ERC1: variants seen among roughly 807,000 people sequenced by gnomAD.
ERC1 encodes the protein ELKS/RAB6-interacting/CAST family member 1, also known as RAB6 interacting protein 2.
A neutral mutation model predicts 132.0 loss-of-function variants in ERC1; 56 were observed. That is an observed-to-expected ratio of 0.42 (90% CI 0.34 to 0.53). The LOEUF (loss-of-function observed/expected upper bound fraction) is 0.53, where lower values mean the gene tolerates loss of function less well. Among genes scored for constraint, ERC1 ranks in the 20% least tolerant of loss-of-function variants. The pLI is 0.03. For missense variants in ERC1, 1,202 were observed against 1,349.9 expected (o/e 0.89, Z 1.72); for synonymous variants, 478 against 476.1 (o/e 1.00, Z -0.05).
intron 15 of ERC1, among the ~76,000 whole-genome samples, chr12:1,337,305 C>T (rs1038417818): frequency 2.0e-5 from 3 of 149,894 alleles, no homozygotes; most frequent in Non-Finnish European, 4.4e-5. Context: ...TAGTAATGCT[C>T]TTCTTTTTCT....
At chr12:1,384,309 A>G (rs760602698) in intron 16 of ERC1, among the ~76,000 whole-genome samples, 5 of 152,240 alleles carry the variant, frequency 3.3e-5, no homozygotes, top group Non-Finnish European at 5.9e-5. Flanking sequence ...CCTTATAAAT[A>G]GTTGACTGGA....
intron 18 of ERC1, among the ~76,000 whole-genome samples, chr12:1,453,852 T>C (rs1157985036): frequency 6.6e-6 from 1 of 152,220 alleles, no homozygotes; most frequent in Non-Finnish European, 1.5e-5. Context: ...AGTATGATAT[T>C]GTGATATAAT....
intron 18 of ERC1, among the ~76,000 whole-genome samples, chr12:1,488,627 G>T (rs118024086): frequency 6.6e-6 from 1 of 152,248 alleles, no homozygotes; most frequent in Admixed American, 6.5e-5. Flanking sequence ...TGAACTGATC[G>T]GCAGAACTGA....
intron 18 of ERC1, among the ~76,000 whole-genome samples, chr12:1,462,202 G>T (rs114677199): frequency 5.9e-5 from 9 of 152,140 alleles, no homozygotes; most frequent in Non-Finnish European, 1.2e-4. Flanking sequence ...CCAAATGCTC[G>T]TGAAGATATG....
At chr12:1,208,030 C>T (rs1252544279) in intron 12 of ERC1, among the ~76,000 whole-genome samples, 1 of 152,148 alleles carries the variant, frequency 6.6e-6, no homozygotes, top group African/African-American at 2.4e-5. Flanking sequence ...CAGTTTGACA[C>T]TGTTAAAAAT....
intron 2 of ERC1, among the ~76,000 whole-genome samples, chr12:1,040,583 G>A (rs992367798): frequency 2.0e-5 from 3 of 152,004 alleles, no homozygotes; most frequent in Non-Finnish European, 4.4e-5. Flanking sequence ...TGGGTTTACA[G>A]GCGTGAGCCA....
chr12:1,158,477 C>T (rs939052436), intron 8 of ERC1, among the ~76,000 whole-genome samples: 3 of 151,894 alleles, frequency 2.0e-5, no homozygotes, highest in African/African-American at 4.8e-5. Context: ...GTTGCCCAGG[C>T]TGGAGTGCAG....
chr12:1,393,821 A>G (rs1183386036), intron 16 of ERC1, among the ~76,000 whole-genome samples: 1 of 150,774 alleles, frequency 6.6e-6, no homozygotes, highest in East Asian at 2.0e-4. Context: ...AGGTCAGGAG[A>G]TTGAGACCAC....
intron 15 of ERC1, among the ~76,000 whole-genome samples, chr12:1,342,939 ACT>A (rs1259709745): frequency 2.6e-5 from 4 of 152,278 alleles, no homozygotes; most frequent in South Asian, 4.1e-4. Context: ...AGACAGTAAC[ACT>A]CTCAAAATTT....
chr12:1,351,375 G>C (rs2084979242), intron 15 of ERC1, among the ~76,000 whole-genome samples: 1 of 152,200 alleles, frequency 6.6e-6, no homozygotes, highest in Non-Finnish European at 1.5e-5. Flanking sequence ...GTTGTGTACA[G>C]AACTGCCAAA....
In ERC1 at chr12:1,493,548, A is replaced by AAAAAAAAAT. The variant is rs56939346; in HGVS notation, c.*3319_*3320insAAAAAAATA. The AAAAAAAAAT allele has an allele frequency of 7.3e-5, 1 of 13,618 alleles. No individual in the cohort carries two copies. Among genetic ancestry groups the AAAAAAAAAT allele is most frequent in the South Asian group, 4.4e-3 (1 of 226 alleles). The allele number at this position is 13,618 out of a possible 1,614,324, so 0.8% of individuals were successfully genotyped here. On this transcript the variant is annotated 3_prime_UTR_variant, in exon 19 of 19. Transcript: ENST00000360905. ...ACTCCATTTAAAAAAAAAAAAAAAAAATATATATATATATATATATATATA... is the reference window on the plus strand; with the variant it reads ...ACTCCATTTAAAAAAAAAAAAAAAAAAAAAAAAATATATATATATATATATATATATATA...
chr12:1,257,782 C>T (rs762891957), intron 13 of ERC1, among the ~76,000 whole-genome samples: 13 of 151,624 alleles, frequency 8.6e-5, no homozygotes, highest in South Asian at 4.2e-4. Flanking sequence ...GTGAGCCACA[C>T]GTATAATTTT....
At chr12:1,105,205 G>A (rs531232036) in intron 4 of ERC1, among the ~76,000 whole-genome samples, 28 of 152,172 alleles carry the variant, frequency 1.8e-4, no homozygotes, top group African/African-American at 4.6e-4. Flanking sequence ...ATAGTGTTCC[G>A]TGAAGAAAAT....
chr12:1,212,686 GC>G (rs1391730668), intron 12 of ERC1, among the ~76,000 whole-genome samples: 10 of 152,142 alleles, frequency 6.6e-5, no homozygotes, highest in Non-Finnish European at 1.3e-4. Context: ...CTCTCTGCAG[GC>G]CAGATTCCTT....
At chr12:1,122,475 G>A (rs58109568) in intron 7 of ERC1, among the ~76,000 whole-genome samples, 1 of 12,898 alleles carries the variant, frequency 7.8e-5, no homozygotes, top group African/African-American at 4.5e-4. Flanking sequence ...CTCTATCTGT[G>A]TCTCTATCTC....
chr12:1,139,683 G>C (rs1392487289), intron 7 of ERC1, among the ~76,000 whole-genome samples: 1 of 150,920 alleles, frequency 6.6e-6, no homozygotes, highest in African/African-American at 2.5e-5. Flanking sequence ...CAGAAATAAA[G>C]TAGTAAAGTA....
chr12:1,256,247 T>C (rs1322178640), intron 13 of ERC1, among the ~76,000 whole-genome samples: 1 of 151,502 alleles, frequency 6.6e-6, no homozygotes, highest in Non-Finnish European at 1.5e-5. Flanking sequence ...AAATACACAG[T>C]TGTAATTTAA....
chr12:1,177,292 C>T (rs1953845176), intron 8 of ERC1, among the ~76,000 whole-genome samples: 1 of 152,158 alleles, frequency 6.6e-6, no homozygotes, highest in Admixed American at 6.5e-5. Flanking sequence ...CTGTTTGGTT[C>T]CAGAGGCCTA....
rs553752896 is a variant in ERC1 at position 1,483,499 on chromosome 12, T to G, written c.3214-6594T>G. ...CACTTCAATTTTTCCCTTCTTAAGG[T>G]CGTAGAGTATCAGAATTATGCCTTT... On this transcript the variant is annotated intron_variant, in intron 18 of 18. Coordinates refer to ENST00000360905, the MANE Select transcript of ERC1 (RefSeq NM_178040.4). 4.6e-5 allele frequency among the ~76,000 whole-genome samples: 7 copies of G among 152,198 alleles called. No homozygotes were observed. In the East Asian group the frequency reaches 1.4e-3, roughly 29 times the overall value.
Sources: gnomAD v4.1 joint callset for allele counts (sites outside exome capture counted in the v4.1 genomes callset) on GRCh38, gnomAD v4.1.1 for gene constraint, MANE v1.5 for transcripts, NCBI Gene and HGNC (gene_info 2026-07-23, HGNC 2026-07-21) for gene names.